Variants in DLG2 observed in about 807,000 individuals in gnomAD.
DLG2 encodes the protein disks large homolog 2.
In DLG2, 45 loss-of-function variants were observed where a neutral mutation model predicts 132.5. The ratio of observed to expected loss-of-function variants is 0.34; its 90% CI spans 0.27 to 0.44. The LOEUF (loss-of-function observed/expected upper bound fraction) is 0.44, where lower values mean the gene tolerates loss of function less well. Among genes scored for constraint, DLG2 ranks in the 20% least tolerant of loss-of-function variants. DLG2 has a pLI of 1.00. For synonymous variants in DLG2, 424 were observed against 419.6 expected, an observed-to-expected ratio of 1.01 and a Z score of -0.13; for missense variants, 1,045 against 1,196.9, an observed-to-expected ratio of 0.87 and a Z score of 1.87.
chr11:84,978,462 C>T (rs113164882), intron 6 of DLG2, among the ~76,000 whole-genome samples: 1,617 of 152,114 alleles, frequency 0.011, 16 homozygotes, highest in Admixed American at 0.02. Context: ...AAAACAGAGA[C>T]ATAGACCAAT....
At chr11:84,847,888 G>C in intron 6 of DLG2, among the ~76,000 whole-genome samples, 1 of 152,194 alleles carries the variant, frequency 6.6e-6, no homozygotes, top group Admixed American at 6.5e-5. Context: ...ACAGGAAGCT[G>C]ACAAAGTTTT....
intron 9 of DLG2, among the ~76,000 whole-genome samples, chr11:84,158,322 C>T (rs1566750338): frequency 2.6e-5 from 4 of 152,132 alleles, no homozygotes; most frequent in Admixed American, 6.5e-5. Flanking sequence ...CTTGGCCTCC[C>T]AAAGGGCTGG....
chr11:83,677,093 A>G (rs527690281), intron 18 of DLG2, among the ~76,000 whole-genome samples: 1 of 152,256 alleles, frequency 6.6e-6, no homozygotes, highest in Admixed American at 6.5e-5. Context: ...ACTAACAGCT[A>G]TTTTCTCCCC....
intron 3 of DLG2, among the ~76,000 whole-genome samples, chr11:85,346,000 G>T (rs1220066473): frequency 6.6e-6 from 1 of 151,898 alleles, no homozygotes; most frequent in Non-Finnish European, 1.5e-5. Flanking sequence ...AGAATTCAGG[G>T]CGAGTCCACA....
intron 6 of DLG2, among the ~76,000 whole-genome samples, chr11:84,837,405 C>T (rs1015805237): frequency 6.6e-6 from 1 of 151,728 alleles, no homozygotes; most frequent in African/African-American, 2.4e-5. Context: ...AGGCAAGGTG[C>T]TGGAAAGGAG....
At chr11:85,021,663 T>C (rs1488770988) in intron 6 of DLG2, 3 of 1,138,698 alleles carry the variant, frequency 2.6e-6, no homozygotes, top group Non-Finnish European at 4.0e-6. Context: ...TTGTGTTTGA[T>C]GATAAGGTTT....
At chr11:84,906,239 GT>G (rs113738126) in intron 6 of DLG2, among the ~76,000 whole-genome samples, 48,530 of 131,402 alleles carry the variant, frequency 0.37, 8,466 homozygotes, top group South Asian at 0.58. Context: ...TGGTTTTTTT[GT>G]TTTTTTTTTT....
chr11:84,024,784 A>G (rs1443152940), intron 11 of DLG2, among the ~76,000 whole-genome samples: 3 of 152,026 alleles, frequency 2.0e-5, no homozygotes, highest in African/African-American at 7.2e-5. Context: ...TAAAGAGTAC[A>G]AAATCTCAGA....
chr11:85,455,386 T>G (rs771961837), intron 3 of DLG2, among the ~76,000 whole-genome samples: 1 of 152,238 alleles, frequency 6.6e-6, no homozygotes, highest in Non-Finnish European at 1.5e-5. Context: ...ATCCCAAAAC[T>G]TTGCTGAAGT....
At chr11:83,918,632 A>G (rs1347955018) in intron 15 of DLG2, among the ~76,000 whole-genome samples, 1 of 152,178 alleles carries the variant, frequency 6.6e-6, no homozygotes, top group African/African-American at 2.4e-5. Context: ...AGGCTCCAGT[A>G]TGAAAATCAG....
At chr11:85,379,184 T>A (rs569395758) in intron 3 of DLG2, among the ~76,000 whole-genome samples, 1 of 152,104 alleles carries the variant, frequency 6.6e-6, no homozygotes, top group African/African-American at 2.4e-5. Flanking sequence ...CGGAGAAGAG[T>A]GGGATGAACT....
At chr11:83,777,773 T>C (rs2094643729) in intron 18 of DLG2, among the ~76,000 whole-genome samples, 1 of 152,214 alleles carries the variant, frequency 6.6e-6, no homozygotes, top group Non-Finnish European at 1.5e-5. Flanking sequence ...AGATAATTTC[T>C]GTGTGTTTAA....
intron 18 of DLG2, among the ~76,000 whole-genome samples, chr11:83,731,551 G>T (rs1051254813): frequency 6.6e-6 from 1 of 152,114 alleles, no homozygotes; most frequent in Non-Finnish European, 1.5e-5. Flanking sequence ...TAGGCATCTG[G>T]GTTGGTCCCA....
intron 3 of DLG2, among the ~76,000 whole-genome samples, chr11:85,597,552 C>T (rs1333147434): frequency 6.6e-6 from 1 of 151,668 alleles, no homozygotes; most frequent in Non-Finnish European, 1.5e-5. Flanking sequence ...AAAGTTAATC[C>T]ACAGGCAAAA....
intron 18 of DLG2, among the ~76,000 whole-genome samples, chr11:83,768,149 T>G (rs1344184015): frequency 6.6e-6 from 1 of 152,214 alleles, no homozygotes; most frequent in Middle Eastern, 3.2e-3. Flanking sequence ...TCTGATTTTT[T>G]TCTTATACAA....
intron 6 of DLG2, among the ~76,000 whole-genome samples, chr11:84,582,482 T>A (rs2099518926): frequency 6.7e-6 from 1 of 148,554 alleles, no homozygotes; most frequent in South Asian, 2.1e-4. Flanking sequence ...AATACATATA[T>A]AATAAACATA....
At chr11:84,062,539 A>T (rs2154134530) in intron 10 of DLG2, among the ~76,000 whole-genome samples, 1 of 152,350 alleles carries the variant, frequency 6.6e-6, no homozygotes, top group South Asian at 2.1e-4. Flanking sequence ...ACTATGTGCA[A>T]TATCAGCCAG....
intron 18 of DLG2, among the ~76,000 whole-genome samples, chr11:83,679,108 TCAGA>T (rs1382756330): frequency 6.6e-6 from 1 of 152,140 alleles, no homozygotes; most frequent in Non-Finnish European, 1.5e-5. Context: ...GATCCTGAAA[TCAGA>T]CAGGCGTGGG....
intron 3 of DLG2, among the ~76,000 whole-genome samples, chr11:85,490,303 G>T (rs1285009140): frequency 6.6e-6 from 1 of 151,996 alleles, no homozygotes; most frequent in African/African-American, 2.4e-5. Context: ...CACTATTTTT[G>T]TAGAAAATAG....
Sources: allele counts gnomAD v4.1 joint callset (sites outside exome capture counted in the v4.1 genomes callset), GRCh38; gene constraint gnomAD v4.1.1; transcripts MANE v1.5; gene names NCBI Gene and HGNC (gene_info 2026-07-23, HGNC 2026-07-21).